The following IDO2 variants were observed in gnomAD, a reference collection of about 807,000 sequenced individuals.
IDO2 encodes indoleamine 2,3-dioxygenase 2.
IDO2 carries 46 observed loss-of-function variants against 45.1 expected under a neutral mutation model. The ratio of observed to expected loss-of-function variants is 1.02; its 90% CI spans 0.80 to 1.30. The LOEUF (loss-of-function observed/expected upper bound fraction) is 1.30. Among genes scored for constraint, IDO2 ranks in the 50% most tolerant of loss-of-function variants. The pLI is 0.00. For synonymous variants in IDO2, 218 were observed against 184.9 expected (o/e 1.18, Z -1.45); for missense variants, 544 against 491.8 (o/e 1.11, Z -1.00).
intron 1 of IDO2, among the ~76,000 whole-genome samples, chr8:39,937,030 T>C (rs567607415): frequency 2.0e-4 from 31 of 152,248 alleles, no homozygotes; most frequent in Non-Finnish European, 3.2e-4. Context: ...CTGCAATAGA[T>C]ACCCATATTT....
At chr8:40,013,632 T>C in exon 10 of IDO2, 1 of 1,613,902 alleles carries the variant, frequency 6.2e-7, no homozygotes. Flanking sequence ...GCCCCTGAAA[T>C]ACTCCGGCGG....
chr8:39,948,523 G>A lies in IDO2; in HGVS notation c.-17-626G>A, dbSNP rs55826182. 3.0e-3 allele frequency among the ~76,000 whole-genome samples: 453 copies of A among 152,262 alleles called. 1 individual carries two copies. The highest frequency in any genetic ancestry group is 4.9e-3 in the Non-Finnish European group (330 of 68,020). On this transcript the variant is annotated intron_variant, in intron 1 of 10. Coordinates refer to ENST00000502986, the Ensembl canonical transcript of IDO2. ...TTCTCCTTTACCTGACTACATGTTT[G>A]TAATGCAGATCCCTCCAGGAGCGCT...
At chr8:40,012,928 T>A (rs1802328897) in intron 9 of IDO2, among the ~76,000 whole-genome samples, 1 of 152,302 alleles carries the variant, frequency 6.6e-6, no homozygotes, top group East Asian at 1.9e-4. Flanking sequence ...ATACCTGTGG[T>A]CAACAAAGTA....
intron 1 of IDO2, among the ~76,000 whole-genome samples, chr8:39,943,508 C>A (rs1009289394): frequency 1.3e-5 from 2 of 152,038 alleles, no homozygotes; most frequent in Non-Finnish European, 2.9e-5. Context: ...GAGGCCGAGG[C>A]GGGCAGATCG....
chr8:39,957,156 T>C (rs1283376653), intron 2 of IDO2, among the ~76,000 whole-genome samples: 2 of 151,480 alleles, frequency 1.3e-5, no homozygotes, highest in Admixed American at 6.6e-5. Flanking sequence ...TTCAGCACTA[T>C]CATGGAAATA....
chr8:39,960,375 C>T (rs935944279), intron 2 of IDO2, among the ~76,000 whole-genome samples: 2 of 152,228 alleles, frequency 1.3e-5, no homozygotes, highest in Admixed American at 6.5e-5. Flanking sequence ...TCTCTCTCCT[C>T]CTTTGCTTCT....
At position 39,981,062 on chromosome 8, in the gene IDO2, ATT is replaced by A. The variant is rs11299960; in HGVS notation, c.316-1575_316-1574del. Among the ~76,000 whole-genome samples, 147 of 121,760 alleles carry A rather than the reference ATT, an allele frequency of 1.2e-3. 1 individual carries two copies. Among genetic ancestry groups the A allele is most frequent in the Non-Finnish European group, 1.7e-3 (99 of 59,026 alleles). 79.9% of individuals were successfully genotyped at this position (121,760 alleles called of 152,430 possible). ...CCCCAGCACCCGGCCAGTGCATTGCATTTTTTTTTTTTTTTTCGAGACGGAGT... is the reference window on the plus strand; with the variant it reads ...CCCCAGCACCCGGCCAGTGCATTGCATTTTTTTTTTTTTTCGAGACGGAGT... On this transcript the variant is annotated intron_variant, in intron 4 of 10. Transcript: ENST00000502986.
intron 1 of IDO2, among the ~76,000 whole-genome samples, chr8:39,939,726 C>T (rs368427252): frequency 6.7e-6 from 1 of 148,636 alleles, no homozygotes; most frequent in Admixed American, 6.7e-5. Flanking sequence ...GGCTGCAATG[C>T]CAGATGCCTG....
chr8:39,985,592 G>T, intron 6 of IDO2, 70 bp downstream of exon 6: 2 of 1,274,804 alleles, frequency 1.6e-6, no homozygotes, highest in Non-Finnish European at 2.2e-6. Context: ...ATAAAACAAA[G>T]AACAAAGCAT....
intron 3 of IDO2, among the ~76,000 whole-genome samples, chr8:39,971,766 C>G (rs1015929048): frequency 6.6e-6 from 1 of 152,074 alleles, no homozygotes; most frequent in Non-Finnish European, 1.5e-5. Flanking sequence ...GAAGTGGAAT[C>G]TGATTTTATA....
chr8:39,973,182 G>A (rs761903151), intron 3 of IDO2, among the ~76,000 whole-genome samples: 3 of 152,130 alleles, frequency 2.0e-5, no homozygotes, highest in Non-Finnish European at 2.9e-5. Flanking sequence ...GAATTAATAA[G>A]TGCCACTGGA....
chr8:40,006,907 C>T (rs1802232636), intron 9 of IDO2, among the ~76,000 whole-genome samples: 1 of 152,024 alleles, frequency 6.6e-6, no homozygotes, highest in Non-Finnish European at 1.5e-5. Context: ...GTGATCTGCC[C>T]ACCTTGGCCT....
exon 3 of IDO2, chr8:39,963,670 T>C: frequency 6.2e-7 from 1 of 1,612,046 alleles, no homozygotes; most frequent in Non-Finnish European, 8.5e-7. Flanking sequence ...CTCAATTGAT[T>C]GATGCTCACC....
intron 2 of IDO2, among the ~76,000 whole-genome samples, chr8:39,953,761 C>T (rs931350609): frequency 3.9e-5 from 6 of 152,082 alleles, no homozygotes; most frequent in Non-Finnish European, 5.9e-5. Flanking sequence ...GACGGGGTTT[C>T]GCCATGTTGG....
intron 8 of IDO2, among the ~76,000 whole-genome samples, chr8:39,994,837 C>A (rs1802009588): frequency 6.6e-6 from 1 of 151,706 alleles, no homozygotes; most frequent in African/African-American, 2.4e-5. Flanking sequence ...TAATTAACAC[C>A]AAAAGAATAA....
chr8:39,960,952 T>TG (rs1807986254), intron 2 of IDO2, among the ~76,000 whole-genome samples: 1 of 151,868 alleles, frequency 6.6e-6, no homozygotes, highest in South Asian at 2.1e-4. Context: ...CCAGCTAATT[T>TG]TTTTGTATTT....
At chr8:39,982,054 G>T (rs73621303) in intron 4 of IDO2, among the ~76,000 whole-genome samples, 5,121 of 152,104 alleles carry the variant, frequency 0.034, 290 homozygotes, top group African/African-American at 0.12. Context: ...GGGCACTGTG[G>T]TCTCCCAGGC....
At position 39,989,701 on chromosome 8, in the gene IDO2, T is replaced by C; in HGVS notation, c.550-20T>C. ...TTTAAGGGAGTGCTAATAAGTTGTGTACATGCATCTCATCCCTAGGCTCTT... is the reference window on the plus strand; with the variant it reads ...TTTAAGGGAGTGCTAATAAGTTGTGCACATGCATCTCATCCCTAGGCTCTT... On this transcript the variant is annotated intron_variant, in intron 7 of 10. Transcript: ENST00000502986. The C allele has an allele frequency of 4.6e-6, 7 of 1,509,160 alleles. No individual in the cohort carries two copies. The highest frequency in any genetic ancestry group is 1.9e-5 in the Admixed American group (1 of 51,350). The allele number at this position is 1,509,160 out of a possible 1,614,324, so 93.5% of individuals were successfully genotyped here. A position where few individuals can be genotyped will look rare whatever the true frequency, so the allele number is the denominator to read the frequency against.
chr8:39,948,360 G>A (rs1807769051), intron 1 of IDO2, among the ~76,000 whole-genome samples: 1 of 152,132 alleles, frequency 6.6e-6, no homozygotes, highest in South Asian at 2.1e-4. Context: ...TGGAATAATT[G>A]TCTGCATGTA....
Sources: allele counts gnomAD v4.1 joint callset (sites outside exome capture counted in the v4.1 genomes callset), GRCh38; gene constraint gnomAD v4.1.1; transcripts MANE v1.5; gene names NCBI Gene and HGNC (gene_info 2026-07-23, HGNC 2026-07-21).